The following NFX1 variants were observed in gnomAD, a reference collection of about 807,000 sequenced individuals.
NFX1 encodes nuclear transcription factor, X-box binding 1, also known as transcriptional repressor NF-X1.
Under a neutral mutation model 137.2 loss-of-function variants are expected in NFX1, and 69 were observed. The ratio of observed to expected loss-of-function variants is 0.50; its 90% CI spans 0.41 to 0.61. The LOEUF (loss-of-function observed/expected upper bound fraction) is 0.61. NFX1 is among the 20% of genes least tolerant of loss of function. The pLI is 0.00. For missense variants in NFX1, 1,167 were observed against 1,391.0 expected (o/e 0.84, Z 2.56); for synonymous variants, 495 against 474.1 (o/e 1.04, Z -0.57).
intron 20 of NFX1, among the ~76,000 whole-genome samples, chr9:33,364,323 T>G (rs550081145): frequency 6.6e-6 from 1 of 152,290 alleles, no homozygotes; most frequent in East Asian, 1.9e-4. Flanking sequence ...AGGGTTGAGA[T>G]AAGAGTTTGG....
At chr9:33,358,718 A>G (rs1253028768) in intron 19 of NFX1, among the ~76,000 whole-genome samples, 1 of 130,626 alleles carries the variant, frequency 7.7e-6, no homozygotes, top group African/African-American at 3.0e-5. Flanking sequence ...GCTGGAGTGC[A>G]ATGGCACAAT....
At chr9:33,366,577 A>G (rs1034459893) in intron 21 of NFX1, 52 bp from the exon 22 acceptor site, 37 of 1,601,736 alleles carry the variant, frequency 2.3e-5, no homozygotes, top group Non-Finnish European at 3.2e-5. Flanking sequence ...AGTTGTAAGC[A>G]TTTTGTTTTC....
At chr9:33,335,227 C>CTTTTTTTTTTTTTTTTTTTTTT (rs57459026) in intron 11 of NFX1, among the ~76,000 whole-genome samples, 5 of 130,512 alleles carry the variant, frequency 3.8e-5, no homozygotes, top group African/African-American at 1.3e-4. Context: ...CTTTCTTTTT[C>CTTTTTTTTTTTTTTTTTTTTTT]TTTTTTTTTT....
At chr9:33,354,748 G>A in intron 18 of NFX1, 103 bp from the exon 19 acceptor site, 1 of 1,092,978 alleles carries the variant, frequency 9.1e-7, no homozygotes, top group South Asian at 1.8e-5. Context: ...TTTTTGGCAA[G>A]AGTCAGCTGT....
At chr9:33,307,002 C>A (rs1821777563) in intron 4 of NFX1, among the ~76,000 whole-genome samples, 192 bp from the exon 5 acceptor site, 1 of 152,192 alleles carries the variant, frequency 6.6e-6, no homozygotes, top group Admixed American at 6.5e-5. Context: ...TAAGATTTAT[C>A]ATACTCAGTG....
Position 33,303,188 on chromosome 9 carries a change from C to T in NFX1, c.1193-3C>T. The T allele has an allele frequency of 6.2e-7, 1 of 1,613,618 alleles. No individual in the cohort carries two copies. The highest frequency in any genetic ancestry group is 8.5e-7 in the Non-Finnish European group (1 of 1,179,734). ...TTTGGCCTACTCCCATTTTTCCTGA[C>T]AGATGGCCAGAGTGGTTGGAGGTGC... On this transcript the variant is annotated splice_polypyrimidine_tract_variant and splice_region_variant and intron_variant, in intron 3 of 23. Transcript: ENST00000379540.
chr9:33,294,212 T>G (rs1821262657), intron 1 of NFX1, among the ~76,000 whole-genome samples: 1 of 152,188 alleles, frequency 6.6e-6, no homozygotes. Context: ...TGGCTATTGG[T>G]GTTTGGTTTT....
intron 7 of NFX1, among the ~76,000 whole-genome samples, chr9:33,316,192 A>G (rs1185864042): frequency 6.6e-6 from 1 of 152,088 alleles, no homozygotes; most frequent in Non-Finnish European, 1.5e-5. Flanking sequence ...CCCTGTTTTT[A>G]ATAGTCTCTT....
chr9:33,332,391 T>A, intron 10 of NFX1, 81 bp from the exon 11 acceptor site: 1 of 1,329,746 alleles, frequency 7.5e-7, no homozygotes, highest in Non-Finnish European at 1.1e-6. Context: ...GGGATATTCT[T>A]GTTACCTATG....
chr9:33,336,192 A>G (rs1209601715), intron 11 of NFX1, among the ~76,000 whole-genome samples: 1 of 151,940 alleles, frequency 6.6e-6, no homozygotes, highest in Non-Finnish European at 1.5e-5. Context: ...CATCCTTGCC[A>G]ATACTTGTTA....
intron 4 of NFX1, among the ~76,000 whole-genome samples, chr9:33,304,699 G>A (rs1313844865): frequency 6.6e-6 from 1 of 152,052 alleles, no homozygotes; most frequent in African/African-American, 2.4e-5. Flanking sequence ...GAATTTTCCG[G>A]TCTTACATGT....
chr9:33,324,327 C>T (rs772803308), intron 9 of NFX1, among the ~76,000 whole-genome samples: 3 of 151,708 alleles, frequency 2.0e-5, no homozygotes, highest in African/African-American at 7.3e-5. Context: ...TGCAGTGAGC[C>T]GAGATCGCAC....
intron 14 of NFX1, among the ~76,000 whole-genome samples, chr9:33,345,753 A>G (rs1394443303): frequency 6.6e-6 from 1 of 152,160 alleles, no homozygotes; most frequent in Non-Finnish European, 1.5e-5. Context: ...GTCCTGTTAC[A>G]TGGATGGGCC....
chr9:33,299,688 C>G (rs1337277234), intron 2 of NFX1, among the ~76,000 whole-genome samples: 2 of 152,114 alleles, frequency 1.3e-5, no homozygotes, highest in Non-Finnish European at 2.9e-5. Context: ...CTGTAACTTT[C>G]ACAGAAAGAG....
At chr9:33,363,982 T>G (rs761399788) in intron 19 of NFX1, 28 bp from the exon 20 acceptor site, 71 of 1,498,610 alleles carry the variant, frequency 4.7e-5, no homozygotes, top group Non-Finnish European at 6.4e-5. Flanking sequence ...CCACTCCTTT[T>G]ATTTGCATAC....
chr9:33,350,781 A>T (rs1823607614), intron 15 of NFX1, among the ~76,000 whole-genome samples: 1 of 152,256 alleles, frequency 6.6e-6, no homozygotes, highest in Non-Finnish European at 1.5e-5. Flanking sequence ...ACTTGAGCCC[A>T]GAAGTTCAAG....
chr9:33,301,035 G>A (rs962500903), intron 2 of NFX1, among the ~76,000 whole-genome samples: 2 of 152,196 alleles, frequency 1.3e-5, no homozygotes, highest in African/African-American at 2.4e-5. Flanking sequence ...TTAATTGTGG[G>A]AATCCCCACC....
intron 13 of NFX1, 74 bp from the exon 14 acceptor site, chr9:33,343,995 T>G (rs140566514): frequency 3.1e-6 from 5 of 1,588,978 alleles, no homozygotes; most frequent in Middle Eastern, 1.7e-4. Context: ...ATGTGTGTGT[T>G]TGTGTGTGTT....
chr9:33,328,908 A>G (rs1822697911), intron 10 of NFX1, among the ~76,000 whole-genome samples: 1 of 152,212 alleles, frequency 6.6e-6, no homozygotes, highest in South Asian at 2.1e-4. Flanking sequence ...GGAGTCAGCC[A>G]ACTAAGAAGT....
Sources: allele counts gnomAD v4.1 joint callset (sites outside exome capture counted in the v4.1 genomes callset), GRCh38; gene constraint gnomAD v4.1.1; transcripts MANE v1.5; gene names NCBI Gene and HGNC (gene_info 2026-07-23, HGNC 2026-07-21).